Variants in TAB2 observed in about 807,000 individuals in gnomAD.
TAB2 encodes TGF-beta activated kinase 1 (MAP3K7) binding protein 2.
Under a neutral mutation model 65.0 loss-of-function variants are expected in TAB2, and 3 were observed. The ratio of observed to expected loss-of-function variants is 0.05; its 90% CI spans 0.02 to 0.12. The LOEUF (loss-of-function observed/expected upper bound fraction) is 0.12. TAB2 is among the 10% of genes least tolerant of loss of function. The pLI is 1.00. For missense variants in TAB2, 623 were observed against 840.3 expected, an observed-to-expected ratio of 0.74 and a Z score of 3.20; for synonymous variants, 298 against 285.1, an observed-to-expected ratio of 1.05 and a Z score of -0.46.
chr6:149,283,355 A>G (rs1057176543), intron 1 of TAB2, among the ~76,000 whole-genome samples: 2 of 152,240 alleles, frequency 1.3e-5, no homozygotes, highest in African/African-American at 4.8e-5. Flanking sequence ...TCAATTGATA[A>G]TACCTATAAC....
intron 1 of TAB2, among the ~76,000 whole-genome samples, chr6:149,263,588 T>C (rs1452912807): frequency 1.3e-5 from 2 of 152,122 alleles, no homozygotes; most frequent in Admixed American, 6.5e-5. Flanking sequence ...CCATACAAGG[T>C]TGGTAAGATG....
At chr6:149,404,174 A>G (rs1022006785) in intron 6 of TAB2, among the ~76,000 whole-genome samples, 2 of 152,246 alleles carry the variant, frequency 1.3e-5, no homozygotes, top group African/African-American at 4.8e-5. Flanking sequence ...GTGTTTCTGT[A>G]CACAAGGAAC....
At chr6:149,319,194 T>C (rs537779145) in intron 1 of TAB2, among the ~76,000 whole-genome samples, 1 of 152,388 alleles carries the variant, frequency 6.6e-6, no homozygotes, top group South Asian at 2.1e-4. Flanking sequence ...ATGATCATTA[T>C]GCAATTCCAG....
chr6:149,404,853 G>T (rs1782610672), intron 6 of TAB2, among the ~76,000 whole-genome samples: 1 of 152,038 alleles, frequency 6.6e-6, no homozygotes, highest in Non-Finnish European at 1.5e-5. Context: ...ACCTGGTCTG[G>T]GCAATGATAG....
At chr6:149,269,620 C>T (rs1778323732) in intron 1 of TAB2, among the ~76,000 whole-genome samples, 1 of 152,194 alleles carries the variant, frequency 6.6e-6, no homozygotes, top group Non-Finnish European at 1.5e-5. Context: ...CAGCCCCTGG[C>T]AACCATTGAT....
intron 1 of TAB2, among the ~76,000 whole-genome samples, chr6:149,252,287 C>T (rs1777878034): frequency 6.6e-6 from 1 of 152,068 alleles, no homozygotes; most frequent in Non-Finnish European, 1.5e-5. Context: ...TGCCTGTAAT[C>T]CCAGCTACTC....
At chr6:149,351,280 G>A (rs1780481622) in intron 1 of TAB2, among the ~76,000 whole-genome samples, 1 of 152,072 alleles carries the variant, frequency 6.6e-6, no homozygotes, top group South Asian at 2.1e-4. Context: ...TGAAAAAGAA[G>A]GCCTTAAAGG....
chr6:149,226,590 G>A lies in TAB2; in HGVS notation c.-121+7814G>A, dbSNP rs111972933. 4.0e-3 allele frequency among the ~76,000 whole-genome samples: 606 copies of A among 152,248 alleles called. 3 individuals are homozygous for A. The highest frequency in any genetic ancestry group is 6.5e-3 in the Non-Finnish European group (439 of 68,018). ...TGTTTTATCTTAACTGAGCCTCCTCGGGAACAAGTCAGAAAGCAGAAAGAT... is the reference window on the plus strand; with the variant it reads ...TGTTTTATCTTAACTGAGCCTCCTCAGGAACAAGTCAGAAAGCAGAAAGAT... On this transcript the variant is annotated intron_variant, in intron 1 of 1. Transcript: ENST00000606202.
At chr6:149,309,696 C>T (rs2114710818) in intron 1 of TAB2, among the ~76,000 whole-genome samples, 1 of 137,878 alleles carries the variant, frequency 7.3e-6, no homozygotes, top group African/African-American at 2.9e-5. Flanking sequence ...CACGCCTGCC[C>T]TCAATTATTC....
intron 1 of TAB2, among the ~76,000 whole-genome samples, chr6:149,328,741 T>A (rs900998357): frequency 2.0e-5 from 3 of 152,176 alleles, no homozygotes; most frequent in African/African-American, 7.2e-5. Flanking sequence ...ACATGTGATA[T>A]ACTGTGACAA....
intron 1 of TAB2, among the ~76,000 whole-genome samples, chr6:149,241,287 G>T (rs539350778): frequency 6.6e-6 from 1 of 152,238 alleles, no homozygotes; most frequent in South Asian, 2.1e-4. Flanking sequence ...CAGTTTAATA[G>T]TTACACTTGA....
intron 1 of TAB2, among the ~76,000 whole-genome samples, chr6:149,302,667 C>A (rs1235627248): frequency 6.6e-6 from 1 of 152,236 alleles, no homozygotes; most frequent in African/African-American, 2.4e-5. Context: ...TCTTGCTGAA[C>A]TTTCTCTGCA....
intron 1 of TAB2, among the ~76,000 whole-genome samples, chr6:149,267,023 G>A (rs1778276773): frequency 6.6e-6 from 1 of 152,180 alleles, no homozygotes; most frequent in Non-Finnish European, 1.5e-5. Flanking sequence ...ATTAAAGTAG[G>A]GAGATGAGGC....
chr6:149,362,863 A>G (rs535268007), intron 1 of TAB2, among the ~76,000 whole-genome samples: 5 of 152,214 alleles, frequency 3.3e-5, no homozygotes, highest in African/African-American at 1.2e-4. Flanking sequence ...TAAATCTATA[A>G]CTTAAGTACA....
At chr6:149,381,674 A>G (rs1353043697) in intron 3 of TAB2, among the ~76,000 whole-genome samples, 2 of 150,408 alleles carry the variant, frequency 1.3e-5, no homozygotes, top group Non-Finnish European at 1.5e-5. Flanking sequence ...CCTGGGCTCA[A>G]GTGATCCTCC....
intron 3 of TAB2, among the ~76,000 whole-genome samples, chr6:149,397,105 A>G (rs757498365): frequency 3.1e-4 from 47 of 152,238 alleles, no homozygotes; most frequent in Non-Finnish European, 4.7e-4. Flanking sequence ...ACATTTAAAA[A>G]GTGGCATTTG....
chr6:149,384,428 T>A (rs1171859291), intron 3 of TAB2, among the ~76,000 whole-genome samples: 3 of 152,158 alleles, frequency 2.0e-5, no homozygotes, highest in African/African-American at 7.2e-5. Flanking sequence ...ATCTCAGCAC[T>A]AAGTCTGTCA....
At chr6:149,342,864 T>A (rs1780173188) in intron 1 of TAB2, 1 of 152,230 alleles carries the variant, frequency 6.6e-6, no homozygotes, top group Non-Finnish European at 1.5e-5. Context: ...CCAGTCAAGC[T>A]TAGCCTGTGT....
chr6:149,396,635 G>C (rs1055364423), intron 3 of TAB2, among the ~76,000 whole-genome samples: 1 of 152,176 alleles, frequency 6.6e-6, no homozygotes, highest in African/African-American at 2.4e-5. Context: ...TTCATGTCCA[G>C]GGACAGATCA....
Sources: gnomAD v4.1 joint callset for allele counts (sites outside exome capture counted in the v4.1 genomes callset) on GRCh38, gnomAD v4.1.1 for gene constraint, MANE v1.5 for transcripts, NCBI Gene and HGNC (gene_info 2026-07-23, HGNC 2026-07-21) for gene names.